The following SOX5 variants were observed in gnomAD, a reference collection of about 807,000 sequenced individuals.
SOX5 encodes the protein SRY-box transcription factor 5, also known as transcription factor SOX-5.
SOX5 carries 9 observed loss-of-function variants against 92.0 expected under a neutral mutation model. That is an observed-to-expected ratio of 0.10 (90% CI 0.06 to 0.17). The LOEUF is 0.17. Ranked by LOEUF, SOX5 falls within the 10% of genes least tolerant of loss-of-function variation. The pLI is 1.00. For missense variants in SOX5, 642 were observed against 944.5 expected, an observed-to-expected ratio of 0.68 and a Z score of 4.20; for synonymous variants, 344 against 336.3, an observed-to-expected ratio of 1.02 and a Z score of -0.25.
chr12:24,306,951 G>A (rs1233678035), intron 2 of SOX5, among the ~76,000 whole-genome samples: 1 of 152,036 alleles, frequency 6.6e-6, no homozygotes, highest in East Asian at 1.9e-4. Context: ...TTCTGCCAAG[G>A]ACCAATGCTC....
At chr12:24,549,093 T>C (rs529234860) in intron 1 of SOX5, among the ~76,000 whole-genome samples, 90 of 152,314 alleles carry the variant, frequency 5.9e-4, no homozygotes, top group African/African-American at 2.1e-3. Context: ...CCTTGAAAGA[T>C]TTTTTTCTCC....
intron 4 of SOX5, among the ~76,000 whole-genome samples, chr12:24,134,502 A>G (rs138475336): frequency 1.7e-4 from 26 of 152,338 alleles, no homozygotes; most frequent in African/African-American, 6.0e-4. Flanking sequence ...TGTCTGTGTC[A>G]GTGTGTTATA....
chr12:24,494,290 G>A (rs762926388), intron 1 of SOX5, among the ~76,000 whole-genome samples: 12 of 152,196 alleles, frequency 7.9e-5, no homozygotes, highest in Non-Finnish European at 1.3e-4. Flanking sequence ...AGATAACTAT[G>A]GGACCTGATG....
At chr12:23,848,978 T>C (rs1477778961) in intron 2 of SOX5, among the ~76,000 whole-genome samples, 1 of 152,226 alleles carries the variant, frequency 6.6e-6, no homozygotes. Flanking sequence ...CTGCCTAACA[T>C]AGCTGTCCTC....
At chr12:24,150,385 C>A (rs1245007041) in intron 4 of SOX5, among the ~76,000 whole-genome samples, 1 of 152,068 alleles carries the variant, frequency 6.6e-6, no homozygotes, top group African/African-American at 2.4e-5. Context: ...AGGAAAATAT[C>A]ATTAATTTGA....
intron 2 of SOX5, among the ~76,000 whole-genome samples, chr12:24,335,229 G>A (rs1268087299): frequency 6.6e-6 from 1 of 151,294 alleles, no homozygotes; most frequent in East Asian, 1.9e-4. Context: ...TTCACAACAT[G>A]CAGCACATAC....
At chr12:24,037,232 A>G (rs575379927) in intron 4 of SOX5, among the ~76,000 whole-genome samples, 26 of 152,290 alleles carry the variant, frequency 1.7e-4, no homozygotes, top group African/African-American at 6.3e-4. Context: ...CAAATGAATA[A>G]CATATACACA....
intron 1 of SOX5, among the ~76,000 whole-genome samples, chr12:23,908,892 C>A (rs1260817148): frequency 6.6e-6 from 1 of 151,984 alleles, no homozygotes; most frequent in Non-Finnish European, 1.5e-5. Flanking sequence ...AGCTTGACCT[C>A]TAAACTCATT....
chr12:23,955,772 A>G (rs773187149), upstream of SOX5, among the ~76,000 whole-genome samples: 2 of 152,126 alleles, frequency 1.3e-5, no homozygotes, highest in Non-Finnish European at 2.9e-5. Flanking sequence ...CATATAACCC[A>G]TAAGAAGAAA....
chr12:24,191,956 G>A (rs181171326), intron 4 of SOX5, among the ~76,000 whole-genome samples: 32 of 152,238 alleles, frequency 2.1e-4, no homozygotes, highest in African/African-American at 7.7e-4. Context: ...AAGCTATGAA[G>A]GGGAATTTCT....
chr12:23,537,635 A>G (rs543531890), intron 13 of SOX5, among the ~76,000 whole-genome samples: 6 of 152,106 alleles, frequency 3.9e-5, no homozygotes, highest in Non-Finnish European at 8.8e-5. Flanking sequence ...CTTTCTTTTC[A>G]CTATTAATTT....
chr12:24,503,201 T>C (rs1445885588), intron 1 of SOX5, among the ~76,000 whole-genome samples: 2 of 152,198 alleles, frequency 1.3e-5, no homozygotes, highest in Non-Finnish European at 2.9e-5. Context: ...AAAAGTATTA[T>C]CTCTGTAACT....
chr12:24,013,466 G>A (rs1953203469), intron 4 of SOX5, among the ~76,000 whole-genome samples: 1 of 152,178 alleles, frequency 6.6e-6, no homozygotes, highest in African/African-American at 2.4e-5. Flanking sequence ...TTTCTAAAAC[G>A]TATCTGCATA....
At chr12:23,722,718 C>G (rs1266846981) in intron 6 of SOX5, among the ~76,000 whole-genome samples, 1 of 152,172 alleles carries the variant, frequency 6.6e-6, no homozygotes, top group Non-Finnish European at 1.5e-5. Flanking sequence ...GCTCCTGAGT[C>G]TGACTGATGT....
chr12:24,118,498 C>T (rs748694323), intron 4 of SOX5, among the ~76,000 whole-genome samples: 11 of 151,644 alleles, frequency 7.3e-5, no homozygotes, highest in African/African-American at 1.7e-4. Context: ...CAATCATAGA[C>T]GAGAAACTAC....
At chr12:24,028,825 A>G (rs1955173266) in intron 4 of SOX5, among the ~76,000 whole-genome samples, 1 of 151,984 alleles carries the variant, frequency 6.6e-6, no homozygotes, top group Admixed American at 6.6e-5. Flanking sequence ...CAAACCATAC[A>G]CTAATTAGTA....
At chr12:23,863,720 A>G (rs1394742972) in intron 2 of SOX5, among the ~76,000 whole-genome samples, 1 of 151,266 alleles carries the variant, frequency 6.6e-6, no homozygotes, top group Non-Finnish European at 1.5e-5. Flanking sequence ...CTTACATTTC[A>G]ATTTTCTTAA....
At chr12:23,653,019 A>G (rs75262768) in intron 7 of SOX5, among the ~76,000 whole-genome samples, 1,265 of 96,242 alleles carry the variant, frequency 0.013, 18 homozygotes, top group African/African-American at 0.051. Context: ...TGGATGGATG[A>G]ATGTACAGAT....
At chr12:24,032,628 C>A (rs1955623413) in intron 4 of SOX5, among the ~76,000 whole-genome samples, 1 of 151,912 alleles carries the variant, frequency 6.6e-6, no homozygotes, top group Admixed American at 6.6e-5. Context: ...CATTTAAAAT[C>A]AACTTATGCA....
Sources: allele counts gnomAD v4.1 joint callset (sites outside exome capture counted in the v4.1 genomes callset), GRCh38; gene constraint gnomAD v4.1.1; transcripts MANE v1.5; gene names NCBI Gene and HGNC (gene_info 2026-07-23, HGNC 2026-07-21).